Variants in SNAPC4 observed in about 807,000 individuals in gnomAD.
SNAPC4 encodes small nuclear RNA activating complex polypeptide 4, also known as snRNA-activating protein complex subunit 4.
SNAPC4 carries 127 observed loss-of-function variants against 151.3 expected under a neutral mutation model. That is an observed-to-expected ratio of 0.84 (90% CI 0.73 to 0.97). The LOEUF (loss-of-function observed/expected upper bound fraction) is 0.97. SNAPC4 is among the 50% of genes least tolerant of loss of function. The probability of loss-of-function intolerance (pLI) is 0.00; values close to 1 mark genes in which losing one functional copy is unlikely to be tolerated. For missense variants in SNAPC4, 2,186 were observed against 1,935.0 expected, an observed-to-expected ratio of 1.13 and a Z score of -2.43; for synonymous variants, 1,002 against 824.4, an observed-to-expected ratio of 1.22 and a Z score of -3.69.
At chr9:136,389,417 G>A (rs1425052369) in intron 10 of SNAPC4, among the ~76,000 whole-genome samples, 2 of 152,174 alleles carry the variant, frequency 1.3e-5, no homozygotes, top group Non-Finnish European at 2.9e-5. Flanking sequence ...AGGGCACGCA[G>A]AGCTGGATGT....
Position 136,379,864 on chromosome 9 carries a change from C to T in SNAPC4, c.2500G>A (p.Ala834Thr). The T allele has an allele frequency of 6.2e-7, 1 of 1,612,908 alleles. No homozygotes were observed. The highest frequency in any genetic ancestry group is 8.5e-7 in the Non-Finnish European group (1 of 1,179,502). ...GGGGTGCTCTGGGCACTTGAGGATGCCTGGAAATGAAAGAGAGGAGAGTCA... is the reference window on the plus strand; with the variant it reads ...GGGGTGCTCTGGGCACTTGAGGATGTCTGGAAATGAAAGAGAGGAGAGTCA... Reference protein sequence around the residue: ...ARDPPVHLLQASSSAQSTPGH... With the variant: ...ARDPPVHLLQTSSSAQSTPGH... The change falls in exon 21 of 24, where the codon GCA (alanine) becomes ACA (threonine). Residue 834 changes from alanine (A) to threonine (T), a missense_variant and splice_region_variant. Physicochemically the swap from Ala to Thr is moderately conservative, Grantham distance 58. Coordinates refer to ENST00000684778, the MANE Select transcript of SNAPC4 (RefSeq NM_003086.4).
intron 19 of SNAPC4, 97 bp downstream of exon 19, chr9:136,381,225 G>A (rs1833678363): frequency 1.0e-6 from 1 of 969,200 alleles, no homozygotes; most frequent in African/African-American, 1.6e-5. Flanking sequence ...ACTTTAGATA[G>A]CTAGACTTTA....
intron 7 of SNAPC4, among the ~76,000 whole-genome samples, chr9:136,393,299 G>A (rs753831101): frequency 2.6e-5 from 4 of 152,228 alleles, no homozygotes; most frequent in African/African-American, 9.6e-5. Context: ...CATGGCCAAA[G>A]CCCTCTCAGT....
intron 4 of SNAPC4, 65 bp downstream of exon 4, chr9:136,395,538 G>T: frequency 1.3e-6 from 2 of 1,560,402 alleles, no homozygotes; most frequent in Non-Finnish European, 1.7e-6. Context: ...GACCTGGGAG[G>T]CCCAGCTGTG....
rs1834115170 is a variant in SNAPC4, at chr9:136,392,517, C to T, written c.810+5G>A. 6.2e-7 allele frequency: 1 copy of T among 1,613,536 alleles called. No homozygotes were observed. Among genetic ancestry groups the T allele is most frequent in the Non-Finnish European group, 8.5e-7 (1 of 1,179,970 alleles). On this transcript the variant is annotated splice_donor_5th_base_variant and intron_variant, in intron 9 of 23. Transcript: ENST00000684778. ...GCTTGGGGCTCAGACCTGCCCCTGA[C>T]TTACGTTAATATTGGAAATCTTCTC...
chr9:136,388,037 G>A (rs1302730473), intron 11 of SNAPC4, among the ~76,000 whole-genome samples, 189 bp from the exon 12 acceptor site: 1 of 152,200 alleles, frequency 6.6e-6, no homozygotes, highest in East Asian at 1.9e-4. Context: ...GGAGGCAGAG[G>A]CTGGCGGATC....
intron 20 of SNAPC4, among the ~76,000 whole-genome samples, chr9:136,380,271 T>C (rs1254198312): frequency 1.0e-5 from 1 of 100,142 alleles, no homozygotes; most frequent in Non-Finnish European, 2.2e-5. Flanking sequence ...TCTGGGGGGT[T>C]GGGGGCAGGG....
rs754238498 is a variant in SNAPC4 at position 136,387,517 on chromosome 9, C to A, written c.1293G>T (p.Val431=). 8 of 1,613,792 alleles carry A rather than the reference C, an allele frequency of 5.0e-6. No individual in the cohort carries two copies. The highest frequency in any genetic ancestry group is 6.8e-6 in the Non-Finnish European group (8 of 1,179,876). ...EQDWFKIREE[V]PGRSDAQCRD... ...GGCACTGGGCATCGCTCCTACCTGG[C>A]ACCTCTTCCCGGATTTTAAACCAAT... Residue 431 remains valine, a synonymous_variant, in exon 13 of 24, where the codon GTG becomes GTT. Coordinates refer to ENST00000684778, the MANE Select transcript of SNAPC4 (RefSeq NM_003086.4).
Position 136,378,885 on chromosome 9 carries a change from A to G in SNAPC4, c.2942T>C (p.Leu981Pro), listed in dbSNP as rs1234570502. 2.5e-6 allele frequency: 4 copies of G among 1,611,122 alleles called. No individual in the cohort carries two copies. Among genetic ancestry groups the G allele is most frequent in the Non-Finnish European group, 3.4e-6 (4 of 1,179,580 alleles). ...EAGTSAKDKR[L>P]STMQALPLAP... ...GAGGGGCAGGGCTTGCATGGTGGAG[A>G]GTCTCTTGTCCTTGGCTGAAGTCCC... Residue 981 changes from leucine (L) to proline (P), a missense_variant, in exon 22 of 24, where the codon CTC becomes CCC. Leu to Pro is a moderately conservative substitution (Grantham distance 98). Coordinates refer to ENST00000684778, the MANE Select transcript of SNAPC4 (RefSeq NM_003086.4).
In SNAPC4 at chr9:136,400,143, C is replaced by G. The variant is rs1482005490; in HGVS notation, c.-19G>C. ...TGGGCGCACACCTTACCTGGCCGCG[C>G]GGACCCCGCCGTCGCCCGGGCGACT... On this transcript the variant is annotated 5_prime_UTR_variant, in exon 1 of 24. Transcript: ENST00000684778. 1 of 152,148 alleles carries G rather than the reference C, an allele frequency of 6.6e-6. No individual in the cohort carries two copies. Among genetic ancestry groups the G allele is most frequent in the Non-Finnish European group, 1.5e-5 (1 of 68,006 alleles). 9.4% of individuals were successfully genotyped at this position (152,148 alleles called of 1,614,324 possible). A position where few individuals can be genotyped will look rare whatever the true frequency, so the allele number is the denominator to read the frequency against.
At position 136,378,769 on chromosome 9, in the gene SNAPC4, CG is replaced by C; in HGVS notation, c.3057del (p.Glu1020ArgfsTer41). The C allele has an allele frequency of 2.6e-6, 4 of 1,539,342 alleles. No individual in the cohort carries two copies. Among genetic ancestry groups the C allele is most frequent in the Non-Finnish European group, 3.5e-6 (4 of 1,142,202 alleles). ...GCCTGAGACTGTCCGAGACCACTCT[CG>C]GGGCAGCTCACAGAGATCTGGCCGG... ...LGPGQISVSC[P>X]ESGLGQSQAP... On this transcript the variant is annotated frameshift_variant, in exon 22 of 24. Coordinates refer to ENST00000684778, the MANE Select transcript of SNAPC4 (RefSeq NM_003086.4). LOFTEE classifies it high-confidence loss of function.
chr9:136,394,031 C>A (rs574546808), intron 7 of SNAPC4, among the ~76,000 whole-genome samples: 1 of 152,364 alleles, frequency 6.6e-6, no homozygotes, highest in African/African-American at 2.4e-5. Flanking sequence ...GATCCTCCCA[C>A]CTCAGCCTCC....
rs1833939242 is a variant in SNAPC4 at position 136,387,776 on chromosome 9, A to T, written c.1196T>A (p.Leu399Gln). Residue 399 changes from leucine to glutamine, a missense_variant, in exon 12 of 24, where the codon CTG (leucine) becomes CAG (glutamine). Leu to Gln is a moderately radical substitution (Grantham distance 113, BLOSUM62 -2). Coordinates refer to ENST00000684778, the MANE Select transcript of SNAPC4 (RefSeq NM_003086.4). ...CTCCGGGGCCCAGTAACCCTTCTTC[A>T]GACCAGGATCCAAGCTCTTGGTCCA... ...YRWTKSLDPG[L>Q]KKGYWAPEED... 1 of 1,612,606 alleles carries T rather than the reference A, an allele frequency of 6.2e-7. No individual in the cohort carries two copies. Among genetic ancestry groups the T allele is most frequent in the Non-Finnish European group, 8.5e-7 (1 of 1,178,792 alleles).
intron 10 of SNAPC4, among the ~76,000 whole-genome samples, chr9:136,389,188 T>C (rs963094023): frequency 2.6e-5 from 4 of 152,186 alleles, no homozygotes; most frequent in East Asian, 1.9e-4. Context: ...GCCCAAATCT[T>C]TTCCTCACTC....
Position 136,377,887 on chromosome 9 carries a change from G to T in SNAPC4, c.3940C>A (p.Leu1314Met). The change falls in exon 22 of 24, where the codon CTG (leucine) becomes ATG (methionine). Residue 1314 changes from leucine to methionine, a missense_variant. Physicochemically the swap from Leu to Met is conservative, Grantham distance 15. Transcript: ENST00000684778. ...TTCTTGTGGAGTAGGAGACCGGACA[G>T]AGCTCGCAGGCTGCACAGGGCTGGG... ...QPPALCSLRA[L>M]SGLLLHKKAL... 6.2e-7 allele frequency: 1 copy of T among 1,611,472 alleles called. No homozygotes were observed.
intron 1 of SNAPC4, among the ~76,000 whole-genome samples, chr9:136,399,584 T>C (rs1432121187): frequency 6.6e-6 from 1 of 151,696 alleles, no homozygotes; most frequent in Non-Finnish European, 1.5e-5. Context: ...GGGCTGTCCC[T>C]CTCCCCGCAC....
intron 10 of SNAPC4, among the ~76,000 whole-genome samples, chr9:136,390,554 GAAAAAAAAAAA>G (rs58732608): frequency 8.2e-5 from 4 of 48,814 alleles, no homozygotes; most frequent in South Asian, 1.3e-3. Flanking sequence ...GACTCTGTTT[GAAAAAAAAAAA>G]AAAAAAAAAA....
intron 1 of SNAPC4, 188 bp from the exon 2 acceptor site, chr9:136,398,625 C>G: frequency 6.6e-6 from 4 of 602,202 alleles, no homozygotes; most frequent in Non-Finnish European, 1.2e-5. Flanking sequence ...TCAGACCCCA[C>G]AAACTCCTGC....
intron 13 of SNAPC4, among the ~76,000 whole-genome samples, chr9:136,386,767 T>C (rs1336486696): frequency 6.6e-6 from 1 of 151,552 alleles, no homozygotes; most frequent in African/African-American, 2.4e-5. Context: ...TAATTAATAT[T>C]TTTTTGAGAC....
Sources: gnomAD v4.1 joint callset for allele counts (sites outside exome capture counted in the v4.1 genomes callset) on GRCh38, gnomAD v4.1.1 for gene constraint, MANE v1.5 for transcripts, NCBI Gene and HGNC (gene_info 2026-07-23, HGNC 2026-07-21) for gene names.